Variants in FBN2 observed in about 807,000 individuals in gnomAD.
The protein encoded by FBN2 is fibrillin-2.
FBN2 carries 105 observed loss-of-function variants against 355.6 expected under a neutral mutation model. The observed-to-expected ratio is 0.30, with a 90% confidence interval of 0.25 to 0.35. FBN2 has a LOEUF of 0.35. Among genes scored for constraint, FBN2 ranks in the 10% least tolerant of loss-of-function variants. FBN2 has a pLI of 1.00. For missense variants in FBN2, 3,280 were observed against 3,758.7 expected (o/e 0.87, Z 3.33); for synonymous variants, 1,350 against 1,301.2 (o/e 1.04, Z -0.81).
intron 32 of FBN2, 149 bp from the exon 33 acceptor site, chr5:128,330,844 G>T: frequency 1.1e-6 from 1 of 890,486 alleles, no homozygotes. Flanking sequence ...TAAGCTCTCA[G>T]ACCCAATGTC....
At chr5:128,275,201 C>T (rs1765360387) in intron 59 of FBN2, among the ~76,000 whole-genome samples, 2 of 152,070 alleles carry the variant, frequency 1.3e-5, no homozygotes, top group African/African-American at 2.4e-5. Context: ...TTGGACCCTA[C>T]TAATTAAAAA....
chr5:128,387,465 G>A (rs1368632972), intron 11 of FBN2, among the ~76,000 whole-genome samples: 8 of 151,874 alleles, frequency 5.3e-5, no homozygotes, highest in Non-Finnish European at 7.4e-5. Flanking sequence ...AACTTCATTC[G>A]GTTCAGCTCT....
intron 48 of FBN2, among the ~76,000 whole-genome samples, chr5:128,294,900 C>A (rs1086259): frequency 0.92 from 39,104 of 42,536 alleles, 18,267 homozygotes; most frequent in East Asian, 1. Flanking sequence ...TTGGACATGA[C>A]GTCCTTGCCC....
chr5:128,491,994 A>G, intron 5 of FBN2, among the ~76,000 whole-genome samples: 1 of 152,122 alleles, frequency 6.6e-6, no homozygotes, highest in Non-Finnish European at 1.5e-5. Flanking sequence ...TAATTTGAAT[A>G]TAGTTTCTCC....
chr5:128,480,732 T>C (rs972272012), intron 5 of FBN2, among the ~76,000 whole-genome samples: 50 of 152,168 alleles, frequency 3.3e-4, no homozygotes, highest in Non-Finnish European at 5.1e-4. Context: ...CTCAAATAAA[T>C]AAATAAAGAA....
chr5:128,298,071 T>G (rs1175378122), intron 48 of FBN2, among the ~76,000 whole-genome samples: 15 of 147,578 alleles, frequency 1.0e-4, no homozygotes, highest in East Asian at 2.0e-4. Context: ...GTCTGTAAAG[T>G]ATTTTATTTC....
intron 15 of FBN2, chr5:128,371,250 CAT>C (rs1236974851): frequency 1.3e-5 from 2 of 152,184 alleles, no homozygotes; most frequent in East Asian, 3.9e-4. Flanking sequence ...CAACCTAGCT[CAT>C]ATTATACTAT....
rs546580974 is a variant in FBN2 at position 128,355,515 on chromosome 5, T to C, written c.2674+1761A>G. ...TCATAGTATCCAACTAATTCATATA[T>C]AATCTAATGTAATTTTAAATTAGTA... is the stretch of plus-strand genomic sequence containing the variant. On this transcript the variant is annotated intron_variant, in intron 20 of 64. Coordinates refer to ENST00000262464, the MANE Select transcript of FBN2 (RefSeq NM_001999.4). Among the ~76,000 whole-genome samples the C allele has an allele frequency of 9.2e-5, 14 of 152,324 alleles. No homozygotes were observed. In the South Asian group the frequency reaches 2.9e-3, roughly 32 times the overall value.
In FBN2 at chr5:128,530,628, C is replaced by T; in HGVS notation, c.403G>A (p.Gly135Arg). ...GATCCACAGGTTGATGATATTTGCC[C>T]ACTGGAACAAGTACACATGTTAGGA... ...SRPNMCTCSS[G>R]QISSTCGSKS... is the part of the protein sequence containing the mutation. The change falls in exon 3 of 65, where the codon GGG becomes AGG. Residue 135 changes from glycine (G) to arginine (R), a missense_variant. Physicochemically the swap from Gly to Arg is moderately radical, Grantham distance 125 (BLOSUM62 -2). Around this residue, in one of 6 missense-constraint regions of FBN2, gnomAD observed 130 missense variants for 189.9 expected, o/e 0.68. Transcript: ENST00000262464. The T allele has an allele frequency of 6.2e-7, 1 of 1,613,100 alleles. No homozygotes were observed. Among genetic ancestry groups the T allele is most frequent in the African/African-American group, 1.3e-5 (1 of 74,964 alleles).
Position 128,344,392 on chromosome 5 carries a change from G to A in FBN2, c.3336C>T (p.Asn1112=), listed in dbSNP as rs1450366294. The A allele has an allele frequency of 2.5e-6, 4 of 1,613,966 alleles. No homozygotes were observed. The highest frequency in any genetic ancestry group is 3.4e-6 in the Non-Finnish European group (4 of 1,179,948). ...ACAGCAGAACCATCTTACCCGTGCA[G>A]TTTCTTTCCTCCATGTCTAGAGCAA... ...SGFALDMEER[N]CTDIDECRIS... Residue 1112 remains asparagine, a synonymous_variant, in exon 25 of 65, where the codon AAC becomes AAT. Coordinates refer to ENST00000262464, the MANE Select transcript of FBN2 (RefSeq NM_001999.4).
intron 5 of FBN2, among the ~76,000 whole-genome samples, chr5:128,504,985 A>G (rs988304040): frequency 3.3e-5 from 5 of 152,164 alleles, no homozygotes; most frequent in Admixed American, 1.3e-4. Flanking sequence ...TACTGTTCTC[A>G]TGGTAGTGAA....
At chr5:128,337,337 T>C (rs539278982) in intron 27 of FBN2, among the ~76,000 whole-genome samples, 27 of 152,366 alleles carry the variant, frequency 1.8e-4, no homozygotes, top group African/African-American at 6.5e-4. Flanking sequence ...TATTTTAGGC[T>C]GTCTTATTTG....
intron 6 of FBN2, among the ~76,000 whole-genome samples, chr5:128,455,990 C>CAAAAAAAAAACAAAAAAA (rs1754376289): frequency 4.0e-5 from 1 of 25,272 alleles, no homozygotes; most frequent in Non-Finnish European, 7.9e-5. Flanking sequence ...GGGTTAGCAA[C>CAAAAAAAAAACAAAAAAA]AAAAAAAAAA....
chr5:128,413,819 A>T (rs1373745214), intron 7 of FBN2, among the ~76,000 whole-genome samples: 1 of 152,172 alleles, frequency 6.6e-6, no homozygotes, highest in East Asian at 1.9e-4. Context: ...TTTTGTTTCC[A>T]CTGATGCCAA....
chr5:128,309,475 C>T (rs529283418), intron 40 of FBN2, 76 bp from the exon 41 acceptor site: 1 of 1,286,902 alleles, frequency 7.8e-7, no homozygotes, highest in South Asian at 1.2e-5. Context: ...CAGCTGTAGA[C>T]ATCAAGCTTT....
At chr5:128,299,098 G>C (rs1749628589) in intron 48 of FBN2, among the ~76,000 whole-genome samples, 1 of 152,042 alleles carries the variant, frequency 6.6e-6, no homozygotes, top group Admixed American at 6.5e-5. Context: ...GGCCGTGTGA[G>C]GTGTCAGTCT....
chr5:128,264,875 C>T (rs543908299), intron 62 of FBN2, among the ~76,000 whole-genome samples: 1 of 152,208 alleles, frequency 6.6e-6, no homozygotes, highest in Non-Finnish European at 1.5e-5. Context: ...AGTGAAGAGG[C>T]CTCCCAGACA....
intron 34 of FBN2, 50 bp from the exon 35 acceptor site, chr5:128,319,051 A>T (rs1355380467): frequency 6.9e-7 from 1 of 1,456,404 alleles, no homozygotes; most frequent in African/African-American, 1.4e-5. Flanking sequence ...ACATTTTAAA[A>T]TTTTAATGTA....
chr5:128,484,097 A>G (rs1755267980), intron 5 of FBN2, among the ~76,000 whole-genome samples: 1 of 152,228 alleles, frequency 6.6e-6, no homozygotes, highest in Admixed American at 6.5e-5. Context: ...CCATTTTCTA[A>G]CAGATTTTCA....
Sources: gnomAD v4.1 joint callset for allele counts (sites outside exome capture counted in the v4.1 genomes callset) on GRCh38, gnomAD v4.1.1 for gene constraint, gnomAD v4.1.1 regional missense constraint, MANE v1.5 for transcripts, NCBI Gene and HGNC (gene_info 2026-07-23, HGNC 2026-07-21) for gene names.